MYO7B: variants seen among roughly 807,000 people sequenced by gnomAD.
MYO7B encodes the protein myosin VIIB.
MYO7B carries 212 observed loss-of-function variants against 259.7 expected under a neutral mutation model. The observed-to-expected ratio is 0.82, with a 90% CI of 0.73 to 0.91. MYO7B has a LOEUF of 0.91. Among genes scored for constraint, MYO7B ranks in the 40% least tolerant of loss-of-function variants. The probability of loss-of-function intolerance (pLI) is 0.00; values close to 1 mark genes in which losing one functional copy is unlikely to be tolerated. For synonymous variants in MYO7B, 1,197 were observed against 1,166.4 expected (o/e 1.03, Z -0.54); for missense variants, 2,732 against 2,813.5 (o/e 0.97, Z 0.66).
chr2:127,621,186 T>A (rs1015915718), intron 27 of MYO7B, among the ~76,000 whole-genome samples: 2 of 151,386 alleles, frequency 1.3e-5, no homozygotes, highest in Non-Finnish European at 2.9e-5. Flanking sequence ...AAATAACATC[T>A]CTCTGTGAGA....
chr2:127,540,144 C>A (rs1050587106), intron 1 of MYO7B, among the ~76,000 whole-genome samples: 9 of 150,932 alleles, frequency 6.0e-5, no homozygotes, highest in South Asian at 2.1e-4. Context: ...TAAACATGCA[C>A]GTGCAATTGT....
intron 26 of MYO7B, among the ~76,000 whole-genome samples, chr2:127,617,138 C>A (rs907110048): frequency 6.6e-6 from 1 of 152,146 alleles, no homozygotes; most frequent in Non-Finnish European, 1.5e-5. Flanking sequence ...GAAAACCTCC[C>A]AAGTCCTCTG....
intron 1 of MYO7B, among the ~76,000 whole-genome samples, chr2:127,545,537 G>T (rs1693195168): frequency 6.6e-6 from 1 of 152,218 alleles, no homozygotes; most frequent in Non-Finnish European, 1.5e-5. Context: ...AAATAACTTG[G>T]GTGAAGCACA....
chr2:127,630,738 C>T (rs564731164), intron 35 of MYO7B, 40 bp from the exon 36 acceptor site: 84 of 1,606,524 alleles, frequency 5.2e-5, no homozygotes, highest in Admixed American at 3.7e-4. Context: ...GCCTCATGGG[C>T]GGTGGCTCCT....
intron 1 of MYO7B, among the ~76,000 whole-genome samples, chr2:127,548,376 A>G (rs1693317288): frequency 6.8e-6 from 1 of 146,698 alleles, no homozygotes; most frequent in African/African-American, 2.5e-5. Flanking sequence ...TTCTTTCTCT[A>G]GTTTCCTAAG....
chr2:127,589,140 T>A (rs1573660114), intron 15 of MYO7B, among the ~76,000 whole-genome samples: 1 of 126,794 alleles, frequency 7.9e-6, no homozygotes, highest in African/African-American at 3.0e-5. Context: ...GATGGATGGG[T>A]GGGTGGCTGT....
intron 17 of MYO7B, among the ~76,000 whole-genome samples, 152 bp downstream of exon 17, chr2:127,593,098 C>A (rs551374245): frequency 1.3e-5 from 2 of 152,292 alleles, no homozygotes; most frequent in Non-Finnish European, 2.9e-5. Flanking sequence ...CTCTCCTCCT[C>A]CCACCCTACC....
At chr2:127,565,713 C>G (rs1261209527) in intron 4 of MYO7B, among the ~76,000 whole-genome samples, 4 of 152,240 alleles carry the variant, frequency 2.6e-5, no homozygotes, top group African/African-American at 9.6e-5. Flanking sequence ...AGTCACTAGA[C>G]AGAAAGCCCC....
At chr2:127,630,706 C>A in intron 35 of MYO7B, 72 bp from the exon 36 acceptor site, 2 of 1,587,778 alleles carry the variant, frequency 1.3e-6, no homozygotes, top group South Asian at 1.1e-5. Context: ...GGCTGCCAGG[C>A]CGGGAGGAGC....
At chr2:127,571,803 T>C (rs879445534) in intron 6 of MYO7B, among the ~76,000 whole-genome samples, 2 of 152,140 alleles carry the variant, frequency 1.3e-5, no homozygotes, top group African/African-American at 2.4e-5. Context: ...AAGAGTTCGT[T>C]CTGTGTTCTG....
At chr2:127,572,416 CAA>C (rs34864324) in intron 6 of MYO7B, among the ~76,000 whole-genome samples, 2 of 78,804 alleles carry the variant, frequency 2.5e-5, no homozygotes, top group Non-Finnish European at 5.5e-5. Flanking sequence ...GAGACTGTCT[CAA>C]AAAAAAAAAA....
At chr2:127,571,544 G>A (rs1467913480) in intron 6 of MYO7B, among the ~76,000 whole-genome samples, 4 of 149,666 alleles carry the variant, frequency 2.7e-5, no homozygotes, top group African/African-American at 4.9e-5. Flanking sequence ...ACAATGGCAC[G>A]ATCTCGGCTC....
In MYO7B at chr2:127,577,115, T is replaced by C. The variant is rs1002999246; in HGVS notation, c.849+407T>C. On this transcript the variant is annotated intron_variant, in intron 8 of 47. Coordinates refer to ENST00000409816, the MANE Select transcript of MYO7B (RefSeq NM_001393586.1). The surrounding 1 kb of genome is among the most constrained non-coding windows in gnomAD (Gnocchi z 5.2). Reference sequence around the variant, plus strand: ...CCCCAGGAAAGCAAAGCCCTTCCTGTGCTCCCAGCTGCACCCGCCACCTAG... The same window carrying C: ...CCCCAGGAAAGCAAAGCCCTTCCTGCGCTCCCAGCTGCACCCGCCACCTAG... 3.3e-4 allele frequency among the ~76,000 whole-genome samples: 51 copies of C among 152,264 alleles called. No homozygotes were observed. Among genetic ancestry groups the C allele is most frequent in the African/African-American group, 1.2e-3 (49 of 41,544 alleles).
rs573016813 is a variant in MYO7B at position 127,635,186 on chromosome 2, G to C, written c.5780G>C (p.Gly1927Ala). The change falls in exon 43 of 48, where the codon GGG becomes GCG. Residue 1927 changes from glycine (G) to alanine (A), a missense_variant. Gly to Ala is a moderately conservative substitution (Grantham distance 60). This residue lies in a region of MYO7B where 821 missense variants were observed against 769.3 expected (regional missense o/e 1.07). Coordinates refer to ENST00000409816, the MANE Select transcript of MYO7B (RefSeq NM_001393586.1). ...MRKLWLNISP[G>A]KDVNADTILH... is the part of the protein sequence containing the mutation. ...AAATTGTGGCTCAACATATCTCCAG[G>C]GAAGGATGTGAATGCAGACACCATA... is the stretch of plus-strand genomic sequence containing the variant. 1.2e-6 allele frequency: 2 copies of C among 1,613,680 alleles called. No individual in the cohort carries two copies. The highest frequency in any genetic ancestry group is 2.2e-5 in the East Asian group (1 of 44,866).
chr2:127,623,839 T>G (rs1245007732), intron 29 of MYO7B, among the ~76,000 whole-genome samples: 1 of 152,064 alleles, frequency 6.6e-6, no homozygotes, highest in East Asian at 1.9e-4. Context: ...GCCGGATGAG[T>G]CACATCGGCC....
chr2:127,593,086 C>G, intron 17 of MYO7B, 140 bp downstream of exon 17: 1 of 1,104,036 alleles, frequency 9.1e-7, no homozygotes, highest in Non-Finnish European at 1.3e-6. Context: ...TCCTTCCTCC[C>G]TCTCTCCTCC....
At chr2:127,605,950 G>T (rs1680144681) in intron 20 of MYO7B, 22 bp downstream of exon 20, 1 of 1,454,480 alleles carries the variant, frequency 6.9e-7, no homozygotes, top group Non-Finnish European at 9.0e-7. Context: ...CTCTGGGGCG[G>T]CTGGGCCGCG....
At chr2:127,635,007 C>A in intron 42 of MYO7B, 113 bp from the exon 43 acceptor site, 1 of 807,664 alleles carries the variant, frequency 1.2e-6, no homozygotes, top group South Asian at 1.5e-5. Context: ...GAGGAAGAAG[C>A]GTGGGGGCTT....
Position 127,636,826 on chromosome 2 carries a change from C to T in MYO7B, c.6240C>T (p.Ile2080=). Reference sequence around the variant, plus strand: ...TCACCACCTATCCCTTCACCAAGATCTCCAGCTGGAGCAGCGGCAGCACCT... The same window carrying T: ...TCACCACCTATCCCTTCACCAAGATTTCCAGCTGGAGCAGCGGCAGCACCT... ...DLLTTYPFTK[I]SSWSSGSTYF... The change falls in exon 47 of 48, where the codon ATC becomes ATT. Residue 2080 remains isoleucine, a synonymous_variant. Transcript: ENST00000409816. The surrounding 1 kb of genome is among the most constrained non-coding windows in gnomAD (Gnocchi z 4.5). The T allele has an allele frequency of 1.3e-6, 2 of 1,540,048 alleles. No individual in the cohort carries two copies. The highest frequency in any genetic ancestry group is 2.5e-5 in the East Asian group (1 of 39,670).
Sources: gnomAD v4.1 joint callset for allele counts (sites outside exome capture counted in the v4.1 genomes callset) on GRCh38, gnomAD v4.1.1 for gene constraint, gnomAD v4.1.1 regional missense constraint, Gnocchi (gnomAD v3.1) non-coding constraint, MANE v1.5 for transcripts, NCBI Gene and HGNC (gene_info 2026-07-23, HGNC 2026-07-21) for gene names.